The following SHISA9 variants were observed in gnomAD, a reference collection of about 807,000 sequenced individuals.
SHISA9 encodes the protein protein shisa-9.
Under a neutral mutation model 38.0 loss-of-function variants are expected in SHISA9, and 13 were observed. That is an observed-to-expected ratio of 0.34 (90% confidence interval 0.22 to 0.54). SHISA9 has a LOEUF of 0.54. Among genes scored for constraint, SHISA9 ranks in the 20% least tolerant of loss-of-function variants. SHISA9 has a pLI of 0.91. For synonymous variants in SHISA9, 275 were observed against 242.0 expected (o/e 1.14, Z -1.27); for missense variants, 538 against 575.8 (o/e 0.93, Z 0.67).
intron 4 of SHISA9, among the ~76,000 whole-genome samples, chr16:13,222,679 T>C (rs138182061): frequency 6.6e-6 from 1 of 152,218 alleles, no homozygotes; most frequent in Non-Finnish European, 1.5e-5. Flanking sequence ...GCATCTTCTC[T>C]GATGGGAATG....
the SHISA9 span, among the ~76,000 whole-genome samples, chr16:13,452,933 G>C: frequency 1.3e-5 from 2 of 151,800 alleles, no homozygotes; most frequent in African/African-American, 2.4e-5. Flanking sequence ...TTTTAAGACA[G>C]AGTCTCACTC....
the SHISA9 span, among the ~76,000 whole-genome samples, chr16:13,495,789 T>C: frequency 1.3e-5 from 2 of 152,016 alleles, no homozygotes; most frequent in African/African-American, 4.8e-5. Context: ...CAAAATGTAA[T>C]AGCAAAGTTA....
At chr16:13,160,961 C>T (rs77541013) in intron 2 of SHISA9, among the ~76,000 whole-genome samples, 2,299 of 152,186 alleles carry the variant, frequency 0.015, 62 homozygotes, top group African/African-American at 0.044. Flanking sequence ...TATGAAATGA[C>T]CCTAATTTTT....
the SHISA9 span, among the ~76,000 whole-genome samples, chr16:13,276,816 A>T: frequency 6.6e-6 from 1 of 152,206 alleles, no homozygotes; most frequent in South Asian, 2.1e-4. Context: ...TCCGGATATT[A>T]GTTCTTTTCA....
intron 2 of SHISA9, among the ~76,000 whole-genome samples, chr16:12,933,286 A>G (rs1171627192): frequency 6.6e-6 from 1 of 151,910 alleles, no homozygotes; most frequent in Non-Finnish European, 1.5e-5. Flanking sequence ...GCCAATTCAG[A>G]GTTGTCTTTG....
the SHISA9 span, among the ~76,000 whole-genome samples, chr16:13,257,467 C>T: frequency 3.3e-4 from 51 of 152,296 alleles, no homozygotes; most frequent in South Asian, 0.011. Context: ...GGTATACTGT[C>T]TACGCTCATT....
At chr16:13,295,650 G>A in the SHISA9 span, among the ~76,000 whole-genome samples, 81 of 152,240 alleles carry the variant, frequency 5.3e-4, no homozygotes, top group African/African-American at 1.9e-3. Flanking sequence ...CCTGCAGAGG[G>A]CTAGGCAGGT....
the SHISA9 span, among the ~76,000 whole-genome samples, chr16:13,536,143 C>T: frequency 6.6e-6 from 1 of 152,124 alleles, no homozygotes; most frequent in Non-Finnish European, 1.5e-5. Flanking sequence ...GTACTACAGG[C>T]ACGTGCCACC....
chr16:13,155,553 C>T (rs2050536675), intron 2 of SHISA9, among the ~76,000 whole-genome samples: 1 of 151,846 alleles, frequency 6.6e-6, no homozygotes, highest in Admixed American at 6.6e-5. Flanking sequence ...CAGGGGATGG[C>T]CTCTGGCCTT....
At chr16:13,369,390 A>T in the SHISA9 span, among the ~76,000 whole-genome samples, 1 of 152,164 alleles carries the variant, frequency 6.6e-6, no homozygotes, top group Non-Finnish European at 1.5e-5. Context: ...TTATTAAATG[A>T]ATCTATATTC....
the SHISA9 span, among the ~76,000 whole-genome samples, chr16:13,390,795 A>G: frequency 6.6e-6 from 1 of 152,214 alleles, no homozygotes; most frequent in Non-Finnish European, 1.5e-5. Context: ...CTTTGGGAGA[A>G]AGAAGATTTC....
the SHISA9 span, among the ~76,000 whole-genome samples, chr16:13,389,191 C>G: frequency 2.0e-5 from 3 of 152,194 alleles, no homozygotes; most frequent in Admixed American, 2.0e-4. Context: ...AGTAGCTTCA[C>G]TGCCCTAAAA....
chr16:12,970,405 A>ATG (rs2072051940), intron 2 of SHISA9, among the ~76,000 whole-genome samples: 7 of 7,734 alleles, frequency 9.1e-4, no homozygotes, highest in African/African-American at 1.5e-3. Flanking sequence ...ATATATATAC[A>ATG]TATATATATA....
At chr16:13,050,063 G>T (rs116358825) in intron 2 of SHISA9, among the ~76,000 whole-genome samples, 3,466 of 152,252 alleles carry the variant, frequency 0.023, 141 homozygotes, top group African/African-American at 0.08. Flanking sequence ...ATGCTACATA[G>T]AGGAGGTACT....
the SHISA9 span, among the ~76,000 whole-genome samples, chr16:13,506,370 GACA>G: frequency 6.6e-6 from 1 of 152,126 alleles, no homozygotes; most frequent in African/African-American, 2.4e-5. Flanking sequence ...GGGAGGTGAG[GACA>G]ACAACAATAA....
chr16:13,522,530 T>C, the SHISA9 span, among the ~76,000 whole-genome samples: 1 of 152,130 alleles, frequency 6.6e-6, no homozygotes, highest in Non-Finnish European at 1.5e-5. Flanking sequence ...TAGTTTGACC[T>C]GGAGGCCAGC....
At chr16:13,284,262 G>A in the SHISA9 span, among the ~76,000 whole-genome samples, 1 of 152,016 alleles carries the variant, frequency 6.6e-6, no homozygotes, top group Non-Finnish European at 1.5e-5. Flanking sequence ...TCACAATCTC[G>A]TGCTGCCTGT....
At chr16:13,437,713 T>C in the SHISA9 span, among the ~76,000 whole-genome samples, 49 of 152,258 alleles carry the variant, frequency 3.2e-4, no homozygotes, top group Non-Finnish European at 5.6e-4. Context: ...TCATTATTGA[T>C]ATCAGCTTTT....
At chr16:13,518,309 A>G in the SHISA9 span, among the ~76,000 whole-genome samples, 1 of 152,068 alleles carries the variant, frequency 6.6e-6, no homozygotes, top group Admixed American at 6.5e-5. Context: ...GAGCCAAAGG[A>G]GGCTCAAGAT....
Sources: gnomAD v4.1 joint callset for allele counts (sites outside exome capture counted in the v4.1 genomes callset) on GRCh38, gnomAD v4.1.1 for gene constraint, MANE v1.5 for transcripts, NCBI Gene and HGNC (gene_info 2026-07-23, HGNC 2026-07-21) for gene names.